WWOX: variants seen among roughly 807,000 people sequenced by gnomAD.
WWOX encodes the protein WW domain containing oxidoreductase.
A neutral mutation model predicts 46.2 loss-of-function variants in WWOX; 69 were observed. The ratio of observed to expected loss-of-function variants is 1.49; its 90% CI spans 1.23 to 1.82. WWOX has a LOEUF of 1.82. Ranked by LOEUF, WWOX falls within the 40% of genes most tolerant of loss-of-function variation. The pLI is 0.00. For synonymous variants in WWOX, 359 were observed against 202.6 expected (o/e 1.77, Z -6.56); for missense variants, 919 against 542.6 (o/e 1.69, Z -6.89).
intron 8 of WWOX, among the ~76,000 whole-genome samples, chr16:79,092,286 A>T (rs1246736129): frequency 6.6e-6 from 1 of 152,182 alleles, no homozygotes; most frequent in Non-Finnish European, 1.5e-5. Flanking sequence ...ACCTAAAGAG[A>T]TAACAGAGGG....
chr16:79,191,579 C>T (rs926089066), intron 8 of WWOX, among the ~76,000 whole-genome samples: 1 of 152,218 alleles, frequency 6.6e-6, no homozygotes, highest in Admixed American at 6.5e-5. Flanking sequence ...TCACGTTTTT[C>T]TCAATTACTG....
intron 5 of WWOX, among the ~76,000 whole-genome samples, chr16:78,311,907 C>G (rs2080252336): frequency 6.6e-6 from 1 of 152,144 alleles, no homozygotes; most frequent in African/African-American, 2.4e-5. Context: ...ACAGGCCTCC[C>G]TGGGCTAAAA....
At chr16:78,273,860 A>G (rs1401576719) in intron 5 of WWOX, among the ~76,000 whole-genome samples, 1 of 152,208 alleles carries the variant, frequency 6.6e-6, no homozygotes, top group East Asian at 1.9e-4. Context: ...CTTTTCAGTC[A>G]TACTGAATTC....
At chr16:78,557,919 A>T (rs1425215252) in intron 8 of WWOX, among the ~76,000 whole-genome samples, 1 of 151,618 alleles carries the variant, frequency 6.6e-6, no homozygotes, top group Non-Finnish European at 1.5e-5. Flanking sequence ...CTGCTCTCGA[A>T]CTCCTGACCT....
intron 5 of WWOX, among the ~76,000 whole-genome samples, chr16:78,195,821 CAAA>C (rs148609646): frequency 2.6e-5 from 2 of 76,054 alleles, no homozygotes; most frequent in Non-Finnish European, 2.4e-5. Flanking sequence ...GACTCTGCCT[CAAA>C]AAAAAAAAAA....
chr16:78,821,409 A>C (rs1184518034), intron 8 of WWOX, among the ~76,000 whole-genome samples: 1 of 152,190 alleles, frequency 6.6e-6, no homozygotes, highest in South Asian at 2.1e-4. Flanking sequence ...TGCTCACCAC[A>C]TGGCTTCTCA....
intron 5 of WWOX, among the ~76,000 whole-genome samples, chr16:78,322,791 C>T (rs2080515525): frequency 1.3e-5 from 2 of 152,294 alleles, no homozygotes; most frequent in East Asian, 3.9e-4. Flanking sequence ...TTTGTCACCA[C>T]AGCACAGGAG....
intron 8 of WWOX, among the ~76,000 whole-genome samples, chr16:78,795,946 G>C (rs1163223248): frequency 1.3e-5 from 2 of 152,156 alleles, no homozygotes; most frequent in East Asian, 3.9e-4. Context: ...GATAATTGAG[G>C]AAGAAAATCA....
At chr16:78,484,996 C>G (rs376311222) in intron 8 of WWOX, among the ~76,000 whole-genome samples, 2 of 152,078 alleles carry the variant, frequency 1.3e-5, no homozygotes, top group Non-Finnish European at 2.9e-5. Context: ...GATGAGCTGA[C>G]TAACACCTTA....
At chr16:78,520,519 C>G (rs1428999905) in intron 8 of WWOX, among the ~76,000 whole-genome samples, 2 of 151,974 alleles carry the variant, frequency 1.3e-5, no homozygotes, top group Non-Finnish European at 2.9e-5. Flanking sequence ...GTGGAAGAAA[C>G]ACAGCTTGAA....
intron 5 of WWOX, among the ~76,000 whole-genome samples, chr16:78,243,192 A>G (rs913101369): frequency 3.9e-5 from 6 of 152,126 alleles, no homozygotes; most frequent in African/African-American, 1.4e-4. Context: ...TTATTGTTCT[A>G]TAGTAATACA....
intron 8 of WWOX, among the ~76,000 whole-genome samples, chr16:78,798,254 C>T (rs757769493): frequency 2.6e-5 from 4 of 151,998 alleles, no homozygotes; most frequent in Non-Finnish European, 5.9e-5. Context: ...CTTTGGGCTT[C>T]CAGAATCTGG....
At chr16:78,946,532 A>G (rs8054914) in intron 8 of WWOX, among the ~76,000 whole-genome samples, 2,857 of 152,128 alleles carry the variant, frequency 0.019, 81 homozygotes, top group African/African-American at 0.065. Flanking sequence ...TTCTAGATGC[A>G]CACAAAATGA....
At chr16:79,149,871 A>G (rs1417570574) in intron 8 of WWOX, among the ~76,000 whole-genome samples, 2 of 152,186 alleles carry the variant, frequency 1.3e-5, no homozygotes, top group African/African-American at 4.8e-5. Flanking sequence ...TGGATCACAC[A>G]GGGATTCAGA....
intron 5 of WWOX, among the ~76,000 whole-genome samples, chr16:78,335,133 T>C (rs528692779): frequency 2.6e-5 from 4 of 152,170 alleles, no homozygotes; most frequent in Admixed American, 6.5e-5. Context: ...GTTTATTTTT[T>C]CTAAAACTTT....
In WWOX at chr16:79,211,920, G is replaced by GCATTCACAA; in HGVS notation, c.*126_*127insTTCACAACA. ...ATCCGCAAGAGTAAAGGAAATAAGA[G>GCATTCACAA]CAGTCACAACAGAGTGAAAAATCTT... On this transcript the variant is annotated 3_prime_UTR_variant, in exon 9 of 9. Coordinates refer to ENST00000566780, the MANE Select transcript of WWOX (RefSeq NM_016373.4). 1 of 1,543,598 alleles carries GCATTCACAA rather than the reference G, an allele frequency of 6.5e-7. No individual in the cohort carries two copies. The highest frequency in any genetic ancestry group is 8.7e-7 in the Non-Finnish European group (1 of 1,149,102).
intron 8 of WWOX, among the ~76,000 whole-genome samples, chr16:78,634,751 A>C (rs1368340402): frequency 6.6e-6 from 1 of 151,498 alleles, no homozygotes; most frequent in East Asian, 2.0e-4. Flanking sequence ...TTCTGCCGAT[A>C]AACATCATCT....
intron 8 of WWOX, among the ~76,000 whole-genome samples, chr16:78,556,860 A>G (rs2044310090): frequency 6.6e-6 from 1 of 151,988 alleles, no homozygotes; most frequent in Non-Finnish European, 1.5e-5. Context: ...CTGGGATTAC[A>G]GGTGCCCACC....
At chr16:78,595,366 C>T (rs1232403846) in intron 8 of WWOX, among the ~76,000 whole-genome samples, 1 of 148,994 alleles carries the variant, frequency 6.7e-6, no homozygotes, top group Non-Finnish European at 1.5e-5. Flanking sequence ...CTTCTCCTTG[C>T]TTCAACCCTC....
Sources: allele counts gnomAD v4.1 joint callset (sites outside exome capture counted in the v4.1 genomes callset), GRCh38; gene constraint gnomAD v4.1.1; transcripts MANE v1.5; gene names NCBI Gene and HGNC (gene_info 2026-07-23, HGNC 2026-07-21).